FSAF1: variants seen among roughly 807,000 people sequenced by gnomAD.
The protein encoded by FSAF1 is 40S small subunit processome assembly factor 1.
At chr1:231,234,671 C>G in the FSAF1 span, among the ~76,000 whole-genome samples, 1 of 152,206 alleles carries the variant, frequency 6.6e-6, no homozygotes, top group Non-Finnish European at 1.5e-5. The surrounding 1 kb of genome is among the most constrained non-coding windows in gnomAD (Gnocchi z 4.0). Flanking sequence ...TTGGTGGCTT[C>G]TCATGTACTT....
chr1:231,227,094 G>C, the FSAF1 span: 163 of 1,608,896 alleles, frequency 1.0e-4, 1 homozygote, highest in South Asian at 1.8e-3. Context: ...ATAATCAGAC[G>C]CAAGTGCATT....
At chr1:231,229,143 T>C in the FSAF1 span, 8 of 1,519,500 alleles carry the variant, frequency 5.3e-6, no homozygotes, top group Admixed American at 1.8e-5. Flanking sequence ...AATCTCAAAG[T>C]ACATACTTTT....
the FSAF1 span, among the ~76,000 whole-genome samples, chr1:231,227,885 C>T: frequency 6.6e-5 from 10 of 152,122 alleles, no homozygotes; most frequent in South Asian, 8.3e-4. Flanking sequence ...CACCGCGCCC[C>T]GCCCTCTCTC....
the FSAF1 span, chr1:231,229,190 A>C: frequency 6.3e-7 from 1 of 1,584,910 alleles, no homozygotes; most frequent in Non-Finnish European, 8.6e-7. Context: ...ATCTCTCTCC[A>C]AAACACTAGG....
the FSAF1 span, among the ~76,000 whole-genome samples, chr1:231,235,258 T>A: frequency 2.0e-5 from 3 of 152,144 alleles, no homozygotes; most frequent in Admixed American, 2.0e-4. Flanking sequence ...CCTAGCACTT[T>A]GGGAGGCCAA....
chr1:231,233,553 C>CA, the FSAF1 span, among the ~76,000 whole-genome samples: 78 of 151,838 alleles, frequency 5.1e-4, no homozygotes, highest in African/African-American at 1.8e-3. Context: ...ATGAGATGAA[C>CA]AAAAAATTTT....
At chr1:231,227,362 C>A in the FSAF1 span, among the ~76,000 whole-genome samples, 1 of 152,116 alleles carries the variant, frequency 6.6e-6, no homozygotes, top group African/African-American at 2.4e-5. Context: ...GCAGCCTTGA[C>A]CTCCTGGGCA....
chr1:231,224,125 A>G, the FSAF1 span: 1 of 872,114 alleles, frequency 1.1e-6, no homozygotes, highest in Non-Finnish European at 1.7e-6. Context: ...CACTTCGGCA[A>G]CTAGAAATGT....
At chr1:231,238,068 G>C in the FSAF1 span, 1 of 152,316 alleles carries the variant, frequency 6.6e-6, no homozygotes, top group African/African-American at 2.4e-5. Context: ...TGTAGTCCCA[G>C]TTACTTGGGA....
chr1:231,225,415 C>T, the FSAF1 span: 1 of 1,535,080 alleles, frequency 6.5e-7, no homozygotes, highest in Middle Eastern at 1.7e-4. Context: ...CTTGTCAGAA[C>T]TCATCAGTAG....
the FSAF1 span, chr1:231,241,072 T>G: frequency 1.2e-6 from 2 of 1,614,176 alleles, no homozygotes; most frequent in East Asian, 4.5e-5. Flanking sequence ...GTCGGAGAAC[T>G]GGGAGGCGTG....
chr1:231,235,970 A>AC, the FSAF1 span, among the ~76,000 whole-genome samples: 4 of 152,170 alleles, frequency 2.6e-5, no homozygotes, highest in Admixed American at 6.5e-5. Context: ...TGTCCAACTC[A>AC]CCATCCCCTT....
At chr1:231,230,700 A>G in the FSAF1 span, among the ~76,000 whole-genome samples, 1 of 151,896 alleles carries the variant, frequency 6.6e-6, no homozygotes, top group East Asian at 1.9e-4. Context: ...AGCCCCCACC[A>G]CTGTATTTAA....
chr1:231,240,551 G>C, the FSAF1 span, among the ~76,000 whole-genome samples: 1 of 151,778 alleles, frequency 6.6e-6, no homozygotes, highest in Non-Finnish European at 1.5e-5. The surrounding 1 kb of genome is among the most constrained non-coding windows in gnomAD (Gnocchi z 4.1). Context: ...AAAAAAAGTC[G>C]TGAAAAGGAC....
chr1:231,232,106 ACTGT>A, the FSAF1 span, among the ~76,000 whole-genome samples: 17 of 152,178 alleles, frequency 1.1e-4, no homozygotes, highest in South Asian at 6.2e-4. Flanking sequence ...ATGACCCACC[ACTGT>A]CTAATTTTTA....
the FSAF1 span, chr1:231,225,395 T>C: frequency 1.4e-6 from 2 of 1,409,586 alleles, no homozygotes; most frequent in South Asian, 2.3e-5. Context: ...CCACATACAT[T>C]CAAGGCGTCC....
chr1:231,230,893 C>A, the FSAF1 span, among the ~76,000 whole-genome samples: 1 of 152,158 alleles, frequency 6.6e-6, no homozygotes, highest in Admixed American at 6.5e-5. Context: ...GCAAGGCTTA[C>A]CCAACGCTCT....
chr1:231,226,955 G>A, the FSAF1 span: 10 of 1,613,666 alleles, frequency 6.2e-6, no homozygotes, highest in East Asian at 1.3e-4. Context: ...GTGATGAAAG[G>A]TAGCAGCAGC....
At chr1:231,231,754 G>A in the FSAF1 span, among the ~76,000 whole-genome samples, 1 of 152,172 alleles carries the variant, frequency 6.6e-6, no homozygotes, top group Non-Finnish European at 1.5e-5. Context: ...GCCTACAAAA[G>A]AAAGGAGCAA....
Sources: gnomAD v4.1 joint callset for allele counts (sites outside exome capture counted in the v4.1 genomes callset) on GRCh38, gnomAD v4.1.1 for gene constraint, Gnocchi (gnomAD v3.1) non-coding constraint, MANE v1.5 for transcripts, NCBI Gene and HGNC (gene_info 2026-07-23, HGNC 2026-07-21) for gene names.